Variants in TRIO observed in about 807,000 individuals in gnomAD.
The protein encoded by TRIO is trio Rho guanine nucleotide exchange factor, also known as triple functional domain protein.
In TRIO, 58 loss-of-function variants were observed where a neutral mutation model predicts 351.9. The ratio of observed to expected loss-of-function variants is 0.16; its 90% CI spans 0.13 to 0.21. The LOEUF (loss-of-function observed/expected upper bound fraction) is 0.21, where lower values mean the gene tolerates loss of function less well. TRIO is among the 10% of genes least tolerant of loss of function. The pLI is 1.00. For synonymous variants in TRIO, 1,758 were observed against 1,595.7 expected (o/e 1.10, Z -2.42); for missense variants, 3,201 against 4,027.8 (o/e 0.79, Z 5.56).
At chr5:14,292,775 GCTT>G (rs564816552) in intron 5 of TRIO, among the ~76,000 whole-genome samples, 6 of 152,204 alleles carry the variant, frequency 3.9e-5, no homozygotes, top group Non-Finnish European at 7.3e-5. Flanking sequence ...TTACTTATCT[GCTT>G]CTTAATTCCT....
intron 1 of TRIO, among the ~76,000 whole-genome samples, chr5:14,181,413 T>G (rs1789760374): frequency 6.6e-6 from 1 of 152,230 alleles, no homozygotes; most frequent in Non-Finnish European, 1.5e-5. Flanking sequence ...CACCGTCATC[T>G]GTTGTTTCCT....
intron 9 of TRIO, among the ~76,000 whole-genome samples, chr5:14,328,102 A>T (rs1377589753): frequency 1.3e-5 from 2 of 152,282 alleles, no homozygotes; most frequent in Admixed American, 1.3e-4. Flanking sequence ...TAATGTGCTC[A>T]ATACACTAGT....
intron 37 of TRIO, among the ~76,000 whole-genome samples, chr5:14,466,826 A>G (rs1010391514): frequency 6.6e-6 from 1 of 152,216 alleles, no homozygotes; most frequent in Non-Finnish European, 1.5e-5. Flanking sequence ...AACACATCTT[A>G]AGGATCTTCT....
intron 28 of TRIO, among the ~76,000 whole-genome samples, chr5:14,395,828 G>A (rs939711844): frequency 1.2e-4 from 18 of 152,072 alleles, no homozygotes; most frequent in African/African-American, 3.9e-4. Context: ...GGCGGATCAC[G>A]ACATCAGGAG....
chr5:14,307,087 T>C (rs1253070460), intron 8 of TRIO, among the ~76,000 whole-genome samples: 1 of 152,214 alleles, frequency 6.6e-6, no homozygotes, highest in Non-Finnish European at 1.5e-5. Context: ...CCTCTTAAAT[T>C]ATTTACATTT....
At chr5:14,412,950 G>C (rs1749325363) in intron 33 of TRIO, among the ~76,000 whole-genome samples, 1 of 150,044 alleles carries the variant, frequency 6.7e-6, no homozygotes, top group Non-Finnish European at 1.5e-5. Context: ...TTCCTCATCT[G>C]TAAATGGGAA....
intron 1 of TRIO, among the ~76,000 whole-genome samples, chr5:14,159,321 C>CAAAAAAAAAAAA (rs34735917): frequency 7.1e-6 from 1 of 140,446 alleles, no homozygotes. Context: ...AAATCGCAGT[C>CAAAAAAAAAAAA]AAAAAAAAAA....
At chr5:14,439,017 T>TA (rs1279149347) in intron 34 of TRIO, among the ~76,000 whole-genome samples, 11 of 152,242 alleles carry the variant, frequency 7.2e-5, no homozygotes, top group African/African-American at 2.4e-4. Context: ...TGAGGGTTTT[T>TA]TTTTGTTTTT....
Position 14,387,915 on chromosome 5 carries a change from A to T in TRIO, c.3881+68A>T. 3 of 1,525,096 alleles carry T rather than the reference A, an allele frequency of 2.0e-6. No homozygotes were observed. The South Asian group carries it at 3.5e-5, about 18-fold the overall frequency. The allele number at this position is 1,525,096 out of a possible 1,614,324, so 94.5% of individuals were successfully genotyped here. On this transcript the variant is annotated intron_variant, in intron 23 of 56. Transcript: ENST00000344204. ...TGAAGAGAATGTCATTTGGACAGAC[A>T]TGCTTCTGTGTGTGCTTTGAAGTCA...
chr5:14,228,803 G>A (rs1352841662), intron 1 of TRIO, among the ~76,000 whole-genome samples: 2 of 151,986 alleles, frequency 1.3e-5, no homozygotes, highest in Non-Finnish European at 2.9e-5. Context: ...CCCGAGAGGC[G>A]GAGGTTGCAG....
chr5:14,269,605 G>T lies in TRIO; in HGVS notation c.158-1220G>T, dbSNP rs147182758. Among the ~76,000 whole-genome samples the T allele has an allele frequency of 3.4e-3, 512 of 152,334 alleles. 2 individuals are homozygous for T. The highest frequency in any genetic ancestry group is 5.3e-3 in the Non-Finnish European group (358 of 68,040). ...GCCCTAATGATGGGTTGTGTACCCA[G>T]GGTCATTTCCTTTTCCAGGTGTCTC... is the stretch of plus-strand genomic sequence containing the variant. On this transcript the variant is annotated intron_variant, in intron 1 of 56. Coordinates refer to ENST00000344204, the MANE Select transcript of TRIO (RefSeq NM_007118.4).
At position 14,502,637 on chromosome 5, in the gene TRIO, T is replaced by C. The variant is rs1240211847; in HGVS notation, c.8391T>C (p.Ser2797=). The C allele has an allele frequency of 1.2e-6, 2 of 1,614,028 alleles. No individual in the cohort carries two copies. Among genetic ancestry groups the C allele is most frequent in the Non-Finnish European group, 1.7e-6 (2 of 1,180,034 alleles). ...TWKDNFDSFY[S]EVAELGRGRF... ...AAGACAACTTTGACTCCTTCTACAGTGAAGTGGCTGAGCTTGGCAGGTATG... is the reference window on the plus strand; with the variant it reads ...AAGACAACTTTGACTCCTTCTACAGCGAAGTGGCTGAGCTTGGCAGGTATG... The change falls in exon 54 of 57, where the codon AGT becomes AGC. Residue 2797 remains serine, a synonymous_variant. Transcript: ENST00000344204.
intron 34 of TRIO, among the ~76,000 whole-genome samples, chr5:14,425,129 C>T (rs917619584): frequency 7.2e-5 from 11 of 152,294 alleles, no homozygotes; most frequent in African/African-American, 2.6e-4. Context: ...CATTAAGTAC[C>T]TTCACATTGT....
intron 1 of TRIO, among the ~76,000 whole-genome samples, chr5:14,250,953 A>T (rs936438728): frequency 2.0e-5 from 3 of 152,204 alleles, no homozygotes; most frequent in African/African-American, 7.2e-5. Flanking sequence ...TGATTTGCTC[A>T]GGCCCTTCCA....
At chr5:14,488,648 GC>G (rs1422661053) in intron 48 of TRIO, 3 of 526,238 alleles carry the variant, frequency 5.7e-6, no homozygotes, top group Non-Finnish European at 1.0e-5. Flanking sequence ...TACACTTTAA[GC>G]TTTTTGCTCA....
At chr5:14,239,602 T>C (rs934861960) in intron 1 of TRIO, among the ~76,000 whole-genome samples, 1 of 152,196 alleles carries the variant, frequency 6.6e-6, no homozygotes, top group Non-Finnish European at 1.5e-5. Context: ...AGGTAGGGAT[T>C]CTGAGGCATG....
intron 1 of TRIO, among the ~76,000 whole-genome samples, chr5:14,270,592 G>A (rs1198292785): frequency 6.6e-6 from 1 of 152,174 alleles, no homozygotes; most frequent in African/African-American, 2.4e-5. Flanking sequence ...GACTCAGAGC[G>A]AGCCTTTTGG....
In TRIO at chr5:14,388,688, GTTTTTTTTTT is replaced by G; in HGVS notation, c.3948+18_3948+27del. The G allele has an allele frequency of 6.9e-7, 1 of 1,440,392 alleles. No homozygotes were observed. The highest frequency in any genetic ancestry group is 2.4e-5 in the East Asian group (1 of 41,830). 89.2% of individuals were successfully genotyped at this position (1,440,392 alleles called of 1,614,324 possible). ...TCCGGGAATGTATGGATGTAAGTAA[GTTTTTTTTTT>G]TTTTTTTTGCTTGTTTATTTAGATT... On this transcript the variant is annotated intron_variant, in intron 24 of 56. Coordinates refer to ENST00000344204, the MANE Select transcript of TRIO (RefSeq NM_007118.4).
intron 13 of TRIO, among the ~76,000 whole-genome samples, chr5:14,361,903 A>C (rs1049193410): frequency 6.6e-6 from 1 of 152,190 alleles, no homozygotes; most frequent in African/African-American, 2.4e-5. Context: ...AGATCACCTG[A>C]GGTCAGGAGT....
Sources: allele counts gnomAD v4.1 joint callset (sites outside exome capture counted in the v4.1 genomes callset), GRCh38; gene constraint gnomAD v4.1.1; transcripts MANE v1.5; gene names NCBI Gene and HGNC (gene_info 2026-07-23, HGNC 2026-07-21).